Variants in RAB37 observed in about 807,000 individuals in gnomAD.
RAB37 encodes ras-related protein Rab-37.
RAB37 carries 29 observed loss-of-function variants against 33.1 expected under a neutral mutation model. That is an observed-to-expected ratio of 0.88 (90% CI 0.65 to 1.20). The LOEUF is 1.20. RAB37 is among the 50% of genes most tolerant of loss of function. The pLI, the probability that RAB37 is intolerant of heterozygous loss-of-function variation, is 0.00. For synonymous variants in RAB37, 128 were observed against 119.5 expected (o/e 1.07, Z -0.47); for missense variants, 299 against 301.1 (o/e 0.99, Z 0.05).
chr17:74,694,504 C>T (rs117654928), intron 1 of RAB37: 5,521 of 152,340 alleles, frequency 0.036, 160 homozygotes, highest in Non-Finnish European at 0.052. Flanking sequence ...GCTCACGTCA[C>T]ACCCACGTCC....
intron 1 of RAB37, chr17:74,695,211 G>A: frequency 6.2e-7 from 1 of 1,614,144 alleles, no homozygotes; most frequent in South Asian, 1.1e-5. Context: ...AGCACCCAAG[G>A]TCAGAGATGC....
At chr17:74,695,578 G>T in intron 1 of RAB37, 1 of 1,169,132 alleles carries the variant, frequency 8.6e-7, no homozygotes, top group South Asian at 1.5e-5. Flanking sequence ...GAGCTCCTAG[G>T]CGAGTCCTGC....
chr17:74,736,876 G>A (rs1460400307), upstream of RAB37: 24 of 1,501,480 alleles, frequency 1.6e-5, no homozygotes, highest in Non-Finnish European at 2.0e-5. Context: ...GACAGCCCAC[G>A]GCCCGGGGCT....
chr17:74,718,360 A>ATATCC (rs1555591428), intron 1 of RAB37, among the ~76,000 whole-genome samples: 2 of 136,876 alleles, frequency 1.5e-5, no homozygotes, highest in Admixed American at 1.5e-4. Context: ...ATATCATATC[A>ATATCC]TATCCACCCA....
chr17:74,676,788 G>A lies in RAB37; in HGVS notation c.72+5130G>A, dbSNP rs73995820. 0.041 allele frequency among the ~76,000 whole-genome samples: 6,273 copies of A among 152,220 alleles called. 330 individuals are homozygous for A. Among genetic ancestry groups the A allele is most frequent in the African/African-American group, 0.13 (5,232 of 41,504 alleles). ...GAAAGATACGGGTAGCTGCAAGGGAGTGACCCAGGAAGAAAAGGTCATGTC... is the reference window on the plus strand; with the variant it reads ...GAAAGATACGGGTAGCTGCAAGGGAATGACCCAGGAAGAAAAGGTCATGTC... On this transcript the variant is annotated intron_variant, in intron 1 of 7. Coordinates refer to the RAB37 transcript ENST00000340415. The surrounding 1 kb of genome is among the most constrained non-coding windows in gnomAD (Gnocchi z 4.1).
intron 1 of RAB37, among the ~76,000 whole-genome samples, chr17:74,699,623 T>C (rs2032852647): frequency 6.6e-6 from 1 of 152,124 alleles, no homozygotes; most frequent in Non-Finnish European, 1.5e-5. Context: ...AACAGAGGCA[T>C]GAGACAGACT....
At chr17:74,714,710 A>G (rs1000108071) in intron 1 of RAB37, among the ~76,000 whole-genome samples, 2 of 152,130 alleles carry the variant, frequency 1.3e-5, no homozygotes, top group African/African-American at 4.8e-5. Flanking sequence ...AGGAAGGAAG[A>G]AAGGAAGGAC....
upstream of RAB37, chr17:74,736,541 C>CG: frequency 6.8e-7 from 1 of 1,464,638 alleles, no homozygotes. Context: ...TTAATAAGGC[C>CG]GGCCCCGCCT....
chr17:74,740,023 G>T (rs1021788868), intron 1 of RAB37, among the ~76,000 whole-genome samples: 1 of 151,964 alleles, frequency 6.6e-6, no homozygotes, highest in Non-Finnish European at 1.5e-5. Context: ...AGGCGAGGTG[G>T]TGCATGCCTA....
At chr17:74,704,569 A>G (rs371970741) in intron 1 of RAB37, 1 of 1,614,114 alleles carries the variant, frequency 6.2e-7, no homozygotes, top group East Asian at 2.2e-5. Context: ...TTTTCATGAG[A>G]TCCTCCATGG....
intron 1 of RAB37, among the ~76,000 whole-genome samples, chr17:74,697,980 A>T (rs1276740695): frequency 3.3e-5 from 5 of 152,062 alleles, no homozygotes; most frequent in African/African-American, 1.2e-4. Flanking sequence ...CTCCCTCCCC[A>T]TTCCATGTCA....
chr17:74,687,712 C>T (rs977488583), intron 1 of RAB37, among the ~76,000 whole-genome samples: 5 of 152,142 alleles, frequency 3.3e-5, no homozygotes, highest in African/African-American at 1.2e-4. Context: ...CATCAGCCTC[C>T]AAACAAAGAG....
chr17:74,699,563 C>T (rs989359654), intron 1 of RAB37, among the ~76,000 whole-genome samples: 2 of 152,144 alleles, frequency 1.3e-5, no homozygotes, highest in African/African-American at 4.8e-5. Context: ...AGAGTGATGC[C>T]GCCACAAGAC....
At chr17:74,703,201 C>T in intron 1 of RAB37, 2 of 1,410,320 alleles carry the variant, frequency 1.4e-6, no homozygotes, top group African/African-American at 2.8e-5. Context: ...CATGAGCCCA[C>T]CCGCAGCCCT....
rs926541070 is a variant in RAB37, at chr17:74,729,088, ATGTC to A, written c.73-164_73-161del. On this transcript the variant is annotated intron_variant, in intron 1 of 7. Coordinates refer to the RAB37 transcript ENST00000340415. The surrounding 1 kb of genome is among the most constrained non-coding windows in gnomAD (Gnocchi z 4.2). The stretch of plus-strand genomic sequence containing the variant: ...TGTGTATGTGTGTACATGTTTTTCT[ATGTC>A]TGTATGTGTGTGTCAGTGTCTTGTG... 2.0e-5 allele frequency among the ~76,000 whole-genome samples: 3 copies of A among 151,020 alleles called. No individual in the cohort carries two copies. The highest frequency in any genetic ancestry group is 6.6e-5 in the Admixed American group (1 of 15,184).
intron 1 of RAB37, among the ~76,000 whole-genome samples, chr17:74,726,860 C>A (rs1394950677): frequency 1.3e-5 from 2 of 152,188 alleles, no homozygotes; most frequent in African/African-American, 4.8e-5. Context: ...AAGTTTGCAC[C>A]TCCTAGTCCT....
chr17:74,671,915 C>T lies in RAB37; in HGVS notation c.72+257C>T, dbSNP rs1181049645. ...TACATCATCTGTGTTCCTTTTTCAC[C>T]CCCTCCTTCTCCTTGCCTATTTATG... On this transcript the variant is annotated intron_variant, in intron 1 of 7. Transcript: ENST00000340415. The surrounding 1 kb of genome is among the most constrained non-coding windows in gnomAD (Gnocchi z 5.0). Among the ~76,000 whole-genome samples the T allele has an allele frequency of 6.6e-6, 1 of 151,832 alleles. No homozygotes were observed. The highest frequency in any genetic ancestry group is 1.5e-5 in the Non-Finnish European group (1 of 67,956).
At chr17:74,694,422 T>G (rs1379140539) in intron 1 of RAB37, 1 of 152,186 alleles carries the variant, frequency 6.6e-6, no homozygotes, top group Non-Finnish European at 1.5e-5. Context: ...TGGTTTCTTT[T>G]GGAGGCTCCA....
chr17:74,736,213 A>G (rs1418772035), upstream of RAB37, among the ~76,000 whole-genome samples: 3 of 142,534 alleles, frequency 2.1e-5, no homozygotes, highest in African/African-American at 5.3e-5. Flanking sequence ...ACTCTGTCTG[A>G]AAAAAAAAAA....
Sources: allele counts gnomAD v4.1 joint callset (sites outside exome capture counted in the v4.1 genomes callset), GRCh38; gene constraint gnomAD v4.1.1; non-coding constraint Gnocchi (gnomAD v3.1); transcripts MANE v1.5; gene names NCBI Gene and HGNC (gene_info 2026-07-23, HGNC 2026-07-21).